Variants in TMEFF1 observed in about 807,000 individuals in gnomAD.
TMEFF1 encodes the protein tomoregulin-1.
In TMEFF1, 20 loss-of-function variants were observed where a neutral mutation model predicts 47.5. The ratio of observed to expected loss-of-function variants is 0.42; its 90% confidence interval spans 0.30 to 0.61. The LOEUF (loss-of-function observed/expected upper bound fraction) is 0.61, where lower values mean the gene tolerates loss of function less well. Ranked by LOEUF, TMEFF1 falls within the 20% of genes least tolerant of loss-of-function variation. The pLI is 0.19. For synonymous variants in TMEFF1, 162 were observed against 166.3 expected (o/e 0.97, Z 0.20); for missense variants, 411 against 471.1 (o/e 0.87, Z 1.18).
intron 1 of TMEFF1, among the ~76,000 whole-genome samples, chr9:100,482,535 G>A (rs2118248035): frequency 6.6e-6 from 1 of 152,252 alleles, no homozygotes; most frequent in South Asian, 2.1e-4. Flanking sequence ...GTCAGCATTG[G>A]GCTTTTATTT....
At chr9:100,480,691 C>G (rs931003729) in intron 1 of TMEFF1, among the ~76,000 whole-genome samples, 2 of 151,982 alleles carry the variant, frequency 1.3e-5, no homozygotes, top group African/African-American at 2.4e-5. Flanking sequence ...GTTTGGCAGA[C>G]TTACACTCAA....
At chr9:100,576,490 C>T in intron 9 of TMEFF1, 26 bp from the exon 10 acceptor site, 2 of 1,602,034 alleles carry the variant, frequency 1.2e-6, no homozygotes, top group Non-Finnish European at 1.7e-6. Context: ...CAATATTTTT[C>T]TCTCTTTCTT....
chr9:100,543,704 A>ACTAACACTAACATAAAACAC (rs1838677051), intron 5 of TMEFF1, among the ~76,000 whole-genome samples: 2 of 138,936 alleles, frequency 1.4e-5, no homozygotes, highest in African/African-American at 5.4e-5. Context: ...GATGAAGTAA[A>ACTAACACTAACATAAAACAC]ACACACACAC....
chr9:100,532,203 A>G (rs1838397224), intron 5 of TMEFF1, among the ~76,000 whole-genome samples: 2 of 151,946 alleles, frequency 1.3e-5, no homozygotes, highest in South Asian at 4.2e-4. Context: ...TGTCTAAAAC[A>G]CCAAAAGCAA....
intron 1 of TMEFF1, among the ~76,000 whole-genome samples, chr9:100,495,803 A>G (rs1426260145): frequency 6.6e-6 from 1 of 152,206 alleles, no homozygotes; most frequent in Non-Finnish European, 1.5e-5. Flanking sequence ...GCCTCCCTCC[A>G]AGATTTATTC....
intron 9 of TMEFF1, among the ~76,000 whole-genome samples, chr9:100,574,659 C>G (rs570634678): frequency 6.6e-6 from 1 of 152,046 alleles, no homozygotes; most frequent in East Asian, 1.9e-4. Flanking sequence ...TTGTGCCCAG[C>G]CAGATAGTGC....
intron 8 of TMEFF1, among the ~76,000 whole-genome samples, chr9:100,567,430 C>T (rs1241540953): frequency 6.6e-6 from 1 of 152,212 alleles, no homozygotes; most frequent in Non-Finnish European, 1.5e-5. Context: ...TCACACCCCA[C>T]ATCCCCTGTA....
At chr9:100,557,201 G>A (rs1011749938) in intron 7 of TMEFF1, among the ~76,000 whole-genome samples, 1 of 151,564 alleles carries the variant, frequency 6.6e-6, no homozygotes, top group Admixed American at 6.6e-5. Context: ...TATGTTTACA[G>A]AGTTGTAAAA....
chr9:100,528,520 G>A (rs1320120660), intron 5 of TMEFF1, among the ~76,000 whole-genome samples: 1 of 145,292 alleles, frequency 6.9e-6, no homozygotes, highest in Non-Finnish European at 1.5e-5. Context: ...ATGAAATGAA[G>A]CGAGAAGGGA....
chr9:100,533,990 T>C (rs746265235), intron 5 of TMEFF1, among the ~76,000 whole-genome samples: 5 of 152,178 alleles, frequency 3.3e-5, no homozygotes, highest in Admixed American at 6.5e-5. Flanking sequence ...GTGCTGGGAT[T>C]ACAGGCGTGA....
At chr9:100,542,798 C>CT (rs1236685738) in intron 5 of TMEFF1, among the ~76,000 whole-genome samples, 2 of 151,588 alleles carry the variant, frequency 1.3e-5, no homozygotes, top group Non-Finnish European at 2.9e-5. Context: ...AGATGAGTAT[C>CT]TTTTTTAGTT....
chr9:100,503,717 AG>A (rs1371492897), intron 2 of TMEFF1, among the ~76,000 whole-genome samples: 4 of 152,224 alleles, frequency 2.6e-5, no homozygotes, highest in Non-Finnish European at 4.4e-5. Context: ...CCTGGGCACC[AG>A]GAGAAGATCG....
intron 5 of TMEFF1, among the ~76,000 whole-genome samples, chr9:100,531,842 A>G (rs1838385945): frequency 1.3e-5 from 2 of 152,134 alleles, no homozygotes; most frequent in South Asian, 4.1e-4. Flanking sequence ...TTCAAACTAT[A>G]CTACAAGGCT....
intron 1 of TMEFF1, among the ~76,000 whole-genome samples, chr9:100,479,748 A>G (rs1361559250): frequency 6.6e-6 from 1 of 152,008 alleles, no homozygotes; most frequent in African/African-American, 2.4e-5. Flanking sequence ...GATAAACCAC[A>G]TTTTGCATAT....
chr9:100,568,644 G>A (rs1839171910), intron 8 of TMEFF1, among the ~76,000 whole-genome samples: 2 of 150,332 alleles, frequency 1.3e-5, no homozygotes, highest in Admixed American at 6.7e-5. Context: ...ACAGAGTTGT[G>A]CAACCATCAC....
chr9:100,474,796 G>GC (rs1021172839), intron 1 of TMEFF1, among the ~76,000 whole-genome samples: 15 of 152,032 alleles, frequency 9.9e-5, no homozygotes, highest in Non-Finnish European at 1.9e-4. Flanking sequence ...AAGGCCGCTT[G>GC]CCCCCCCACA....
chr9:100,561,435 C>T lies in TMEFF1; in HGVS notation c.814C>T (p.His272Tyr). 1 of 1,613,552 alleles carries T rather than the reference C, an allele frequency of 6.2e-7. No homozygotes were observed. Among genetic ancestry groups the T allele is most frequent in the Non-Finnish European group, 8.5e-7 (1 of 1,179,740 alleles). ...DQREDVYIGN[H>Y]MPCPENLNGY... ...AAGAGAAGATGTTTATATTGGAAAC[C>T]ACATGCCTTGCCCTGAAAACCTCAA... Residue 272 changes from histidine to tyrosine, a missense_variant, in exon 8 of 10, where the codon CAC (histidine) becomes TAC (tyrosine). His to Tyr is a moderately conservative substitution (Grantham distance 83). Coordinates refer to ENST00000374879, the MANE Select transcript of TMEFF1 (RefSeq NM_003692.5).
chr9:100,508,074 C>A (rs1215003166), intron 2 of TMEFF1, among the ~76,000 whole-genome samples: 1 of 152,074 alleles, frequency 6.6e-6, no homozygotes, highest in East Asian at 1.9e-4. Flanking sequence ...AGTGGACAAC[C>A]CTGATTGCTA....
intron 1 of TMEFF1, among the ~76,000 whole-genome samples, chr9:100,484,807 G>T (rs918431516): frequency 6.6e-6 from 1 of 150,614 alleles, no homozygotes; most frequent in East Asian, 2.0e-4. Context: ...CTCATACCTC[G>T]GCATGAGATT....
Sources: allele counts gnomAD v4.1 joint callset (sites outside exome capture counted in the v4.1 genomes callset), GRCh38; gene constraint gnomAD v4.1.1; transcripts MANE v1.5; gene names NCBI Gene and HGNC (gene_info 2026-07-23, HGNC 2026-07-21).